Variants in TRABD2B observed in about 807,000 individuals in gnomAD.
The protein encoded by TRABD2B is TraB domain containing 2B.
A neutral mutation model predicts 40.1 loss-of-function variants in TRABD2B; 14 were observed. The ratio of observed to expected loss-of-function variants is 0.35; its 90% CI spans 0.23 to 0.55. The LOEUF is 0.55. Ranked by LOEUF, TRABD2B falls within the 20% of genes least tolerant of loss-of-function variation. The pLI is 0.90. For synonymous variants in TRABD2B, 263 were observed against 277.0 expected, an observed-to-expected ratio of 0.95 and a Z score of 0.50; for missense variants, 541 against 648.6, an observed-to-expected ratio of 0.83 and a Z score of 1.80.
At chr1:47,961,493 A>G (rs1464752518) in intron 2 of TRABD2B, among the ~76,000 whole-genome samples, 1 of 152,230 alleles carries the variant, frequency 6.6e-6, no homozygotes, top group Non-Finnish European at 1.5e-5. Flanking sequence ...CAGAATCTAC[A>G]AATAACTTAA....
chr1:47,944,460 G>T (rs1195559834), intron 2 of TRABD2B, among the ~76,000 whole-genome samples: 1 of 152,190 alleles, frequency 6.6e-6, no homozygotes, highest in South Asian at 2.1e-4. Context: ...GCAACTCACT[G>T]GGAGTAATGC....
chr1:47,897,707 G>GTA (rs1309352615), intron 2 of TRABD2B, among the ~76,000 whole-genome samples: 2 of 152,040 alleles, frequency 1.3e-5, no homozygotes, highest in Admixed American at 1.3e-4. Context: ...CCACACAGGT[G>GTA]TACACACACA....
At chr1:47,978,154 GA>G (rs1321057566) in intron 2 of TRABD2B, among the ~76,000 whole-genome samples, 1 of 152,118 alleles carries the variant, frequency 6.6e-6, no homozygotes, top group Admixed American at 6.5e-5. Flanking sequence ...GAGCCCACAT[GA>G]ATAGTATTAG....
In TRABD2B at chr1:47,996,904, A is replaced by G; in HGVS notation, c.-115T>C. ...TGGAGCACGGGGCTCCAGCCGCAGG[A>G]TGCTGGGCGCCCTCTGGGGCGTGGC... is the stretch of plus-strand genomic sequence containing the variant. On this transcript the variant is annotated 5_prime_UTR_variant, in exon 1 of 7. Transcript: ENST00000606738. The surrounding 1 kb of genome is among the most constrained non-coding windows in gnomAD (Gnocchi z 4.6). The G allele has an allele frequency of 8.9e-7, 1 of 1,125,422 alleles. No homozygotes were observed. The highest frequency in any genetic ancestry group is 4.9e-5 in the Admixed American group (1 of 20,392). 69.7% of individuals were successfully genotyped at this position (1,125,422 alleles called of 1,614,324 possible). A position where few individuals can be genotyped will look rare whatever the true frequency, so the allele number is the denominator to read the frequency against.
intron 2 of TRABD2B, among the ~76,000 whole-genome samples, chr1:47,943,115 A>T (rs1449180681): frequency 4.6e-5 from 7 of 152,142 alleles, no homozygotes; most frequent in African/African-American, 1.2e-4. Context: ...TCCCCAATTT[A>T]AAAAAATGGG....
chr1:47,909,469 G>T lies in TRABD2B; in HGVS notation c.666+84565C>A, dbSNP rs745945516. On this transcript the variant is annotated intron_variant, in intron 2 of 6. Transcript: ENST00000606738. ...AAGAAGAAGAAGGAGAAGGAGAAGG[G>T]GAAGGAGAAGGAGAAGGAGAAGGAG... Among the ~76,000 whole-genome samples the T allele has an allele frequency of 5.3e-5, 5 of 94,614 alleles. No homozygotes were observed. The East Asian group carries it at 1.8e-3, about 34-fold the overall frequency. The allele number at this position is 94,614 out of a possible 152,430, so 62.1% of individuals were successfully genotyped here.
chr1:47,864,058 T>C (rs1161663922), intron 2 of TRABD2B, among the ~76,000 whole-genome samples: 1 of 152,076 alleles, frequency 6.6e-6, no homozygotes, highest in African/African-American at 2.4e-5. Context: ...AACAAAACTA[T>C]GGAAACAATA....
intron 2 of TRABD2B, among the ~76,000 whole-genome samples, chr1:47,852,938 C>T (rs1329296077): frequency 1.3e-5 from 2 of 150,686 alleles, no homozygotes; most frequent in African/African-American, 2.4e-5. Context: ...GCTGAGTTCT[C>T]ATATTCTCTT....
chr1:47,896,171 A>C (rs1039972654), intron 2 of TRABD2B, among the ~76,000 whole-genome samples: 6 of 152,194 alleles, frequency 3.9e-5, no homozygotes, highest in African/African-American at 7.2e-5. Context: ...TATTAAAATA[A>C]CACCTCCCCA....
At chr1:47,807,048 A>G (rs1444814764) in intron 2 of TRABD2B, among the ~76,000 whole-genome samples, 1 of 152,198 alleles carries the variant, frequency 6.6e-6, no homozygotes, top group Non-Finnish European at 1.5e-5. Flanking sequence ...ACAGACTTTA[A>G]AAATCCCTGC....
intron 2 of TRABD2B, among the ~76,000 whole-genome samples, chr1:47,938,718 G>A (rs979578104): frequency 1.4e-4 from 22 of 152,118 alleles, no homozygotes; most frequent in African/African-American, 5.3e-4. Flanking sequence ...TGTTGGACTG[G>A]ATTCAGTTCA....
At chr1:47,826,932 G>T (rs1193354356) in intron 2 of TRABD2B, among the ~76,000 whole-genome samples, 1 of 152,172 alleles carries the variant, frequency 6.6e-6, no homozygotes, top group Non-Finnish European at 1.5e-5. Context: ...ACTGGGGCAG[G>T]ACTCTTGAGT....
chr1:47,916,055 C>T (rs887172096), intron 2 of TRABD2B, among the ~76,000 whole-genome samples: 1 of 151,740 alleles, frequency 6.6e-6, no homozygotes, highest in African/African-American at 2.4e-5. Context: ...CTGAGGACGC[C>T]GCAGACAGCC....
chr1:47,896,976 C>T (rs1405095355), intron 2 of TRABD2B, among the ~76,000 whole-genome samples: 1 of 152,202 alleles, frequency 6.6e-6, no homozygotes. Context: ...GGATATTCAG[C>T]ATGCAACAGG....
At chr1:47,806,506 C>T (rs1314036164) in intron 2 of TRABD2B, among the ~76,000 whole-genome samples, 1 of 152,148 alleles carries the variant, frequency 6.6e-6, no homozygotes, top group Non-Finnish European at 1.5e-5. Context: ...TATGATAAGG[C>T]TTTGACATGG....
At chr1:47,803,376 A>ATGC (rs1374916645) in intron 2 of TRABD2B, among the ~76,000 whole-genome samples, 13 of 152,332 alleles carry the variant, frequency 8.5e-5, no homozygotes, top group Non-Finnish European at 1.6e-4. Flanking sequence ...CGTGCTGCTG[A>ATGC]TGCTGCTGCT....
At chr1:47,859,201 TG>T (rs1311469147) in intron 2 of TRABD2B, among the ~76,000 whole-genome samples, 4 of 152,190 alleles carry the variant, frequency 2.6e-5, no homozygotes, top group African/African-American at 9.7e-5. Context: ...CTGACCCTTT[TG>T]TTTCCCCCAT....
chr1:47,953,211 T>C (rs1259785014), intron 2 of TRABD2B, among the ~76,000 whole-genome samples: 4 of 152,230 alleles, frequency 2.6e-5, no homozygotes, highest in Non-Finnish European at 5.9e-5. Context: ...CTTGTCCCAG[T>C]GCAGATGATG....
chr1:47,898,149 A>G (rs1644550179), intron 2 of TRABD2B, among the ~76,000 whole-genome samples: 1 of 152,324 alleles, frequency 6.6e-6, no homozygotes, highest in African/African-American at 2.4e-5. Context: ...AAAAGCAGGC[A>G]GGTAAGCTAC....
Sources: allele counts gnomAD v4.1 joint callset (sites outside exome capture counted in the v4.1 genomes callset), GRCh38; gene constraint gnomAD v4.1.1; non-coding constraint Gnocchi (gnomAD v3.1); transcripts MANE v1.5; gene names NCBI Gene and HGNC (gene_info 2026-07-23, HGNC 2026-07-21).